TMTC2: variants seen among roughly 807,000 people sequenced by gnomAD.
TMTC2 encodes the protein protein O-mannosyl-transferase TMTC2.
Under a neutral mutation model 82.4 loss-of-function variants are expected in TMTC2, and 43 were observed. That is an observed-to-expected ratio of 0.52 (90% confidence interval 0.41 to 0.67). The LOEUF is 0.67. TMTC2 is among the 30% of genes least tolerant of loss of function. The pLI is 0.00. For missense variants in TMTC2, 919 were observed against 1,012.4 expected (o/e 0.91, Z 1.25); for synonymous variants, 408 against 381.9 (o/e 1.07, Z -0.80).
intron 1 of TMTC2, among the ~76,000 whole-genome samples, chr12:82,793,205 A>G (rs1565752605): frequency 6.6e-6 from 1 of 152,072 alleles, no homozygotes; most frequent in Admixed American, 6.5e-5. Flanking sequence ...ATAGAACATT[A>G]TTTCCTTTTT....
chr12:82,913,641 C>T (rs1023087874), intron 3 of TMTC2, among the ~76,000 whole-genome samples: 1 of 152,028 alleles, frequency 6.6e-6, no homozygotes, highest in Non-Finnish European at 1.5e-5. Context: ...CTGATTTTTC[C>T]TCTATCTTAC....
chr12:82,953,807 TGTGA>T (rs1221601164), intron 4 of TMTC2, among the ~76,000 whole-genome samples: 6 of 149,960 alleles, frequency 4.0e-5, no homozygotes, highest in East Asian at 4.0e-4. Flanking sequence ...TAGGAAAAAA[TGTGA>T]GTATCTAAAA....
intron 8 of TMTC2, among the ~76,000 whole-genome samples, chr12:83,020,556 A>G (rs1309251323): frequency 6.6e-6 from 1 of 152,226 alleles, no homozygotes; most frequent in Non-Finnish European, 1.5e-5. Context: ...GCTTCCTTAG[A>G]TGTTGTAATG....
At chr12:83,001,900 A>G (rs1879944290) in intron 8 of TMTC2, among the ~76,000 whole-genome samples, 2 of 152,002 alleles carry the variant, frequency 1.3e-5, no homozygotes, top group African/African-American at 4.8e-5. Flanking sequence ...ATTAACAAAG[A>G]AAAAAAAGAC....
chr12:82,882,347 T>C (rs1872877063), intron 2 of TMTC2, among the ~76,000 whole-genome samples: 1 of 152,144 alleles, frequency 6.6e-6, no homozygotes, highest in South Asian at 2.1e-4. Flanking sequence ...TATCAGTACT[T>C]TACCCCTTCT....
chr12:83,027,031 G>A (rs1881213116), intron 8 of TMTC2, among the ~76,000 whole-genome samples: 1 of 151,844 alleles, frequency 6.6e-6, no homozygotes, highest in Admixed American at 6.6e-5. Flanking sequence ...TTGGGATGGT[G>A]GTTTTTTTTT....
At chr12:83,096,925 A>C (rs1479681439) in intron 11 of TMTC2, among the ~76,000 whole-genome samples, 1 of 152,168 alleles carries the variant, frequency 6.6e-6, no homozygotes, top group African/African-American at 2.4e-5. Context: ...TTTGCCTTAC[A>C]TTCATAGTTC....
chr12:82,690,794 G>A (rs2136882168), intron 1 of TMTC2, among the ~76,000 whole-genome samples: 1 of 152,226 alleles, frequency 6.6e-6, no homozygotes, highest in South Asian at 2.1e-4. Context: ...CAAATTTTAA[G>A]TTATGTTGTA....
intron 4 of TMTC2, among the ~76,000 whole-genome samples, chr12:82,936,377 A>C (rs1680908070): frequency 6.7e-6 from 1 of 149,498 alleles, no homozygotes; most frequent in Non-Finnish European, 1.5e-5. Flanking sequence ...ACTAAATTTA[A>C]CACACACACA....
At chr12:82,688,311 G>A (rs1242339509) in intron 1 of TMTC2, among the ~76,000 whole-genome samples, 8 of 152,140 alleles carry the variant, frequency 5.3e-5, no homozygotes. Context: ...TCTCATTTCT[G>A]TTTGGGAGTT....
chr12:82,993,254 G>T (rs943240522), intron 8 of TMTC2, among the ~76,000 whole-genome samples: 1 of 151,978 alleles, frequency 6.6e-6, no homozygotes, highest in African/African-American at 2.4e-5. Context: ...AAGTGCTGGG[G>T]TTACAGGCGT....
At chr12:83,006,951 T>G (rs1289951797) in intron 8 of TMTC2, among the ~76,000 whole-genome samples, 3 of 150,092 alleles carry the variant, frequency 2.0e-5, no homozygotes, top group African/African-American at 4.9e-5. Context: ...GGTCGGGGGC[T>G]GGGGGAGGGA....
intron 9 of TMTC2, among the ~76,000 whole-genome samples, chr12:83,046,970 G>T (rs1188880558): frequency 2.6e-5 from 4 of 152,126 alleles, no homozygotes; most frequent in Admixed American, 2.0e-4. Context: ...TCCTAACATT[G>T]TTGGAAACTG....
At chr12:82,763,424 T>A (rs913339287) in intron 1 of TMTC2, among the ~76,000 whole-genome samples, 1 of 152,220 alleles carries the variant, frequency 6.6e-6, no homozygotes, top group African/African-American at 2.4e-5. Flanking sequence ...TATCCAGGAC[T>A]GTCCACTTAA....
chr12:83,117,536 C>T (rs1884800821), intron 11 of TMTC2, among the ~76,000 whole-genome samples: 2 of 152,056 alleles, frequency 1.3e-5, no homozygotes, highest in African/African-American at 4.8e-5. Context: ...ATACCAGTAC[C>T]ACACTATTTT....
At chr12:82,739,678 C>A (rs1875299894) in intron 1 of TMTC2, among the ~76,000 whole-genome samples, 1 of 150,560 alleles carries the variant, frequency 6.6e-6, no homozygotes, top group South Asian at 2.1e-4. Flanking sequence ...GGTCAATAAA[C>A]CAGACGTCTA....
chr12:82,920,045 C>G (rs1473756281), intron 3 of TMTC2, among the ~76,000 whole-genome samples: 1 of 152,184 alleles, frequency 6.6e-6, no homozygotes, highest in Non-Finnish European at 1.5e-5. Context: ...GTTATAGCAA[C>G]AACCCTGCTC....
intron 8 of TMTC2, among the ~76,000 whole-genome samples, chr12:83,019,816 T>C (rs1367231268): frequency 6.6e-6 from 1 of 152,184 alleles, no homozygotes; most frequent in Non-Finnish European, 1.5e-5. Context: ...TTCCACTCTC[T>C]TATCCTCAGT....
At chr12:82,751,438 A>G (rs1300870618) in intron 1 of TMTC2, among the ~76,000 whole-genome samples, 2 of 152,116 alleles carry the variant, frequency 1.3e-5, no homozygotes, top group African/African-American at 4.8e-5. Flanking sequence ...CCTAATGCTA[A>G]ATGACGAGTT....
Sources: gnomAD v4.1 joint callset for allele counts (sites outside exome capture counted in the v4.1 genomes callset) on GRCh38, gnomAD v4.1.1 for gene constraint, MANE v1.5 for transcripts, NCBI Gene and HGNC (gene_info 2026-07-23, HGNC 2026-07-21) for gene names.